The following NPIPB12 variants were observed in gnomAD, a reference collection of about 807,000 sequenced individuals.
NPIPB12 encodes the protein nuclear pore complex interacting protein family member B12, also known as nuclear pore complex-interacting protein family member B12.
At chr16:29,492,775 AGAGT>A (rs1965104747) in intron 2 of NPIPB12, among the ~76,000 whole-genome samples, 3 of 138,134 alleles carry the variant, frequency 2.2e-5, no homozygotes, top group Non-Finnish European at 1.6e-5. Flanking sequence ...GCCTGGTGAC[AGAGT>A]GAGACTCCGT....
chr16:29,490,418 TG>T (rs1168314288), intron 4 of NPIPB12, among the ~76,000 whole-genome samples: 1 of 148,110 alleles, frequency 6.8e-6, no homozygotes, highest in East Asian at 2.0e-4. Flanking sequence ...CTGGCCAACA[TG>T]GTGAACCCGT....
chr16:29,504,608 AAAGAC>A (rs1451720468), intron 2 of NPIPB12, among the ~76,000 whole-genome samples: 2 of 132,622 alleles, frequency 1.5e-5, no homozygotes. Context: ...TATCATTTTA[AAAGAC>A]AAGATAATGT....
chr16:29,484,581 CTTGAGA>C, downstream of NPIPB12: 1 of 33,864 alleles, frequency 3.0e-5, no homozygotes, highest in Non-Finnish European at 4.7e-5. Flanking sequence ...CGGAAGGTGT[CTTGAGA>C]TTATCATCCG....
intron 2 of NPIPB12, among the ~76,000 whole-genome samples, chr16:29,492,792 C>CA (rs1217104796): frequency 5.7e-3 from 367 of 64,440 alleles, no homozygotes; most frequent in East Asian, 0.026. Flanking sequence ...GACTCCGTCT[C>CA]AAAAAAAAAA....
intron 1 of NPIPB12, among the ~76,000 whole-genome samples, chr16:29,498,340 T>C (rs1335893956): frequency 1.6e-5 from 2 of 125,826 alleles, no homozygotes; most frequent in Non-Finnish European, 3.7e-5. Flanking sequence ...ATAAATAAAA[T>C]AATGTAGATC....
At chr16:29,490,414 A>G (rs1290788738) in intron 4 of NPIPB12, among the ~76,000 whole-genome samples, 2 of 147,916 alleles carry the variant, frequency 1.4e-5, no homozygotes, top group Non-Finnish European at 3.0e-5. Flanking sequence ...TAGCCTGGCC[A>G]ACATGGTGAA....
chr16:29,504,517 TGTG>T (rs1965214084), intron 2 of NPIPB12, among the ~76,000 whole-genome samples: 1 of 18,636 alleles, frequency 5.4e-5, no homozygotes, highest in Admixed American at 6.8e-4. Flanking sequence ...AAAATATATG[TGTG>T]TGTGTGTGTG....
chr16:29,505,357 A>AG, intron 2 of NPIPB12, 116 bp downstream of exon 2: 1 of 919,754 alleles, frequency 1.1e-6, no homozygotes, highest in Non-Finnish European at 1.6e-6. Context: ...AAGAGGAAGA[A>AG]GCCAGTACTG....
intron 1 of NPIPB12, among the ~76,000 whole-genome samples, chr16:29,498,326 A>ATAAATAAATAAG (rs1965165368): frequency 6.7e-6 from 1 of 148,522 alleles, no homozygotes; most frequent in Non-Finnish European, 1.5e-5. Context: ...AAATAAATAA[A>ATAAATAAATAAG]TAAATAAATA....
intron 2 of NPIPB12, among the ~76,000 whole-genome samples, chr16:29,495,173 TAGAA>T (rs1965122912): frequency 2.1e-5 from 3 of 145,876 alleles, no homozygotes; most frequent in African/African-American, 4.9e-5. Context: ...CAGAAGAGTT[TAGAA>T]AGAATTTCCT....
At chr16:29,498,215 G>A (rs1207006374) in intron 1 of NPIPB12, among the ~76,000 whole-genome samples, 5 of 145,548 alleles carry the variant, frequency 3.4e-5, no homozygotes, top group South Asian at 2.3e-4. Flanking sequence ...CAGGAGAATC[G>A]CTCGAACCTG....
intron 1 of NPIPB12, among the ~76,000 whole-genome samples, chr16:29,498,204 G>A (rs1362215058): frequency 3.4e-5 from 5 of 144,978 alleles, no homozygotes; most frequent in Admixed American, 1.4e-4. Context: ...GGAGGCTGAG[G>A]CAGGAGAATC....
intron 1 of NPIPB12, among the ~76,000 whole-genome samples, chr16:29,498,360 G>C (rs2142192167): frequency 6.8e-6 from 1 of 146,030 alleles, no homozygotes; most frequent in African/African-American, 2.5e-5. Flanking sequence ...CTTGAAAGGG[G>C]GTTGGTTTAT....
At chr16:29,504,514 ATGTGTGTGTGTGTGTGTGTG>A (rs375593232) in intron 2 of NPIPB12, among the ~76,000 whole-genome samples, 7 of 137,818 alleles carry the variant, frequency 5.1e-5, no homozygotes, top group African/African-American at 5.4e-5. Context: ...CAAAAAATAT[ATGTGTGTGTGTGTGTGTGTG>A]TGTGTGTGTG....
upstream of NPIPB12, among the ~76,000 whole-genome samples, chr16:29,501,187 AAAAC>A (rs1965189195): frequency 2.6e-5 from 2 of 76,120 alleles, 1 homozygote; most frequent in Non-Finnish European, 4.6e-5. Context: ...AAGCAAAACA[AAAAC>A]AAAACGGGCT....
chr16:29,504,465 A>G (rs1303677264), intron 2 of NPIPB12, among the ~76,000 whole-genome samples: 1 of 131,686 alleles, frequency 7.6e-6, no homozygotes, highest in Non-Finnish European at 1.7e-5. Context: ...AGATTGTGCC[A>G]TTGCACTCCA....
Position 29,504,535 on chromosome 16 carries a change from TG to T in NPIPB12, c.120+937del. On this transcript the variant is annotated intron_variant, in intron 2 of 7. Coordinates refer to the NPIPB12 transcript ENST00000550665. The stretch of plus-strand genomic sequence containing the variant: ...ATATATGTGTGTGTGTGTGTGTGTG[TG>T]TGTGTGTGTGTGTGTGTGTGTATCT... 3.5e-5 allele frequency among the ~76,000 whole-genome samples: 5 copies of T among 144,906 alleles called. No individual in the cohort carries two copies. In the South Asian group the frequency reaches 6.8e-4, roughly 20 times the overall value.
intron 2 of NPIPB12, among the ~76,000 whole-genome samples, chr16:29,495,139 C>T (rs1965122166): frequency 7.2e-6 from 1 of 139,842 alleles, no homozygotes; most frequent in Admixed American, 7.3e-5. Flanking sequence ...GCTTTCCTTC[C>T]ACCCATACGA....
chr16:29,504,510 A>G (rs1596719003), intron 2 of NPIPB12, among the ~76,000 whole-genome samples: 3 of 95,566 alleles, frequency 3.1e-5, no homozygotes, highest in Non-Finnish European at 4.4e-5. Context: ...GTCTCAAAAA[A>G]TATATGTGTG....
Sources: gnomAD v4.1 joint callset for allele counts (sites outside exome capture counted in the v4.1 genomes callset) on GRCh38, gnomAD v4.1.1 for gene constraint, MANE v1.5 for transcripts, NCBI Gene and HGNC (gene_info 2026-07-23, HGNC 2026-07-21) for gene names.